DLGAP2: variants seen among roughly 807,000 people sequenced by gnomAD.
DLGAP2 encodes DLG associated protein 2.
In DLGAP2, 26 loss-of-function variants were observed where a neutral mutation model predicts 100.3. The observed-to-expected ratio is 0.26, with a 90% CI of 0.19 to 0.36. The LOEUF (loss-of-function observed/expected upper bound fraction) is 0.36. DLGAP2 is among the 10% of genes least tolerant of loss of function. DLGAP2 has a pLI of 1.00. For missense variants in DLGAP2, 1,858 were observed against 1,453.2 expected (o/e 1.28, Z -4.53); for synonymous variants, 886 against 630.1 (o/e 1.41, Z -6.08).
At chr8:1,550,932 G>T (rs985084345) in intron 5 of DLGAP2, among the ~76,000 whole-genome samples, 1 of 152,254 alleles carries the variant, frequency 6.6e-6, no homozygotes, top group African/African-American at 2.4e-5. Context: ...TCAGCTTAGA[G>T]ACATCTTCAT....
intron 2 of DLGAP2, among the ~76,000 whole-genome samples, chr8:1,214,110 T>A (rs1176486604): frequency 6.6e-6 from 1 of 152,122 alleles, no homozygotes; most frequent in African/African-American, 2.4e-5. Context: ...CAGGGGGCCT[T>A]GCGTCTTACC....
intron 3 of DLGAP2, among the ~76,000 whole-genome samples, chr8:1,430,011 TATATATATATATATATACAC>T (rs1554467361): frequency 0.045 from 2,899 of 63,980 alleles, 340 homozygotes; most frequent in African/African-American, 0.15. Context: ...TATATACATA[TATATATATATATATATACAC>T]ACACACACAT....
chr8:1,538,738 G>T (rs191153030), intron 4 of DLGAP2, among the ~76,000 whole-genome samples: 1 of 152,060 alleles, frequency 6.6e-6, no homozygotes, highest in African/African-American at 2.4e-5. Context: ...AAGCCCCAGG[G>T]TGCAGCCCTC....
chr8:1,638,573 C>G (rs950974691), intron 8 of DLGAP2, among the ~76,000 whole-genome samples: 1 of 152,012 alleles, frequency 6.6e-6, no homozygotes, highest in African/African-American at 2.4e-5. Context: ...GACAGCTCCT[C>G]AAATAGCACA....
chr8:1,529,755 C>G (rs1800924280), intron 4 of DLGAP2, among the ~76,000 whole-genome samples: 1 of 152,194 alleles, frequency 6.6e-6, no homozygotes. Context: ...AGGTTCTTTT[C>G]TATTTTCCTT....
At chr8:1,302,054 G>A (rs1312573914) in intron 3 of DLGAP2, 2 of 152,364 alleles carry the variant, frequency 1.3e-5, no homozygotes, top group Non-Finnish European at 2.9e-5. Context: ...CAACCTGTGT[G>A]TGCTGGGGGA....
At chr8:1,041,701 C>G (rs868035288) in intron 2 of DLGAP2, among the ~76,000 whole-genome samples, 61 of 113,114 alleles carry the variant, frequency 5.4e-4, no homozygotes, top group African/African-American at 2.3e-3. Context: ...TCTCCGAGCC[C>G]CTTGCCGTGG....
rs117881459 is a variant in DLGAP2 at position 1,552,638 on chromosome 8, G to A, written c.1230+2955G>A. 3.5e-3 allele frequency among the ~76,000 whole-genome samples: 529 copies of A among 152,308 alleles called. 2 individuals are homozygous for A. The highest frequency in any genetic ancestry group is 5.9e-3 in the Non-Finnish European group (399 of 68,030). On this transcript the variant is annotated intron_variant, in intron 5 of 14. Transcript: ENST00000637795. The stretch of plus-strand genomic sequence containing the variant: ...GATTTTATTTCGCAGCCAGGAAACA[G>A]GGAAACTAAAGGAATTTGTCTGTGG...
In DLGAP2 at chr8:1,223,113, A is replaced by G. The variant is rs572655437; in HGVS notation, c.74-35738A>G. Among the ~76,000 whole-genome samples the G allele has an allele frequency of 5.7e-4, 86 of 151,990 alleles. 1 individual carries two copies. Among genetic ancestry groups the G allele is most frequent in the African/African-American group, 2.0e-3 (81 of 41,448 alleles). On this transcript the variant is annotated intron_variant, in intron 2 of 14. Coordinates refer to ENST00000637795, the MANE Select transcript of DLGAP2 (RefSeq NM_001346810.2). ...GTCTCCCATAGGTGGGATCGGGGAGATCCATGTGAAGAGTGGGCCACTCCA... is the reference window on the plus strand; with the variant it reads ...GTCTCCCATAGGTGGGATCGGGGAGGTCCATGTGAAGAGTGGGCCACTCCA...
At chr8:1,486,768 G>A (rs1297540856) in intron 3 of DLGAP2, among the ~76,000 whole-genome samples, 1 of 152,226 alleles carries the variant, frequency 6.6e-6, no homozygotes, top group Non-Finnish European at 1.5e-5. Flanking sequence ...TACTGCCAGT[G>A]GAGCTGGCAA....
At chr8:828,732 T>A (rs552683022) in intron 1 of DLGAP2, among the ~76,000 whole-genome samples, 81 of 152,292 alleles carry the variant, frequency 5.3e-4, no homozygotes, top group African/African-American at 1.8e-3. Flanking sequence ...ACAATTTATG[T>A]TTAGAGACTG....
rs373138294 is a variant in DLGAP2 at position 1,556,609 on chromosome 8, A to C, written c.1230+6926A>C. Among the ~76,000 whole-genome samples the C allele has an allele frequency of 1.4e-3, 207 of 152,320 alleles. 1 individual carries two copies. In the South Asian group the frequency reaches 0.019, roughly 14 times the overall value. On this transcript the variant is annotated intron_variant, in intron 5 of 14. Coordinates refer to ENST00000637795, the MANE Select transcript of DLGAP2 (RefSeq NM_001346810.2). ...GAAGGGCTGACCCAACCCAAAGTAC[A>C]GCAGGACTAGGAGCTGTTGGAGCTC...
chr8:1,359,773 C>T (rs138835277), intron 3 of DLGAP2, among the ~76,000 whole-genome samples: 1 of 152,242 alleles, frequency 6.6e-6, no homozygotes, highest in Non-Finnish European at 1.5e-5. Flanking sequence ...CATTAGTATT[C>T]CCTTGTTGTG....
At chr8:1,164,475 A>G (rs1046529673) in intron 2 of DLGAP2, among the ~76,000 whole-genome samples, 1 of 150,448 alleles carries the variant, frequency 6.6e-6, no homozygotes, top group Non-Finnish European at 1.5e-5. Context: ...TCACTGGCTG[A>G]CGTCCTGTTG....
chr8:1,423,644 A>G (rs1225249823), intron 3 of DLGAP2, among the ~76,000 whole-genome samples: 2 of 152,070 alleles, frequency 1.3e-5, no homozygotes, highest in Non-Finnish European at 2.9e-5. Context: ...CCCTTATTGA[A>G]CTCTTGGAGG....
intron 8 of DLGAP2, among the ~76,000 whole-genome samples, chr8:1,664,281 A>C (rs963414162): frequency 6.6e-6 from 1 of 152,128 alleles, no homozygotes; most frequent in Admixed American, 6.5e-5. Context: ...CCGTGGTGGC[A>C]TGGGTACATC....
At chr8:1,127,330 G>T (rs1390159360) in intron 2 of DLGAP2, among the ~76,000 whole-genome samples, 1 of 152,000 alleles carries the variant, frequency 6.6e-6, no homozygotes, top group East Asian at 1.9e-4. Context: ...CCACCATGAG[G>T]GGTCATGGAA....
At chr8:1,359,603 G>A (rs1801932965) in intron 3 of DLGAP2, among the ~76,000 whole-genome samples, 1 of 152,228 alleles carries the variant, frequency 6.6e-6, no homozygotes, top group Non-Finnish European at 1.5e-5. Flanking sequence ...TGGAGTCCCT[G>A]GTGCAGAGGC....
intron 2 of DLGAP2, among the ~76,000 whole-genome samples, chr8:1,049,528 G>C (rs1259282430): frequency 6.6e-6 from 1 of 152,090 alleles, no homozygotes; most frequent in Non-Finnish European, 1.5e-5. Context: ...CCTTGCAATA[G>C]ATAAATATTG....
Sources: allele counts gnomAD v4.1 joint callset (sites outside exome capture counted in the v4.1 genomes callset), GRCh38; gene constraint gnomAD v4.1.1; transcripts MANE v1.5; gene names NCBI Gene and HGNC (gene_info 2026-07-23, HGNC 2026-07-21).